RBMS2: variants seen among roughly 807,000 people sequenced by gnomAD.
RBMS2 encodes RNA binding motif single stranded interacting protein 2, also known as RNA-binding motif, single-stranded-interacting protein 2.
A neutral mutation model predicts 58.4 loss-of-function variants in RBMS2; 38 were observed. That is an observed-to-expected ratio of 0.65 (90% CI 0.50 to 0.85). RBMS2 has a LOEUF of 0.85. Ranked by LOEUF, RBMS2 falls within the 40% of genes least tolerant of loss-of-function variation. The probability of loss-of-function intolerance (pLI) is 0.00; values close to 1 mark genes in which losing one functional copy is unlikely to be tolerated. For missense variants in RBMS2, 367 were observed against 503.7 expected, an observed-to-expected ratio of 0.73 and a Z score of 2.60; for synonymous variants, 151 against 180.7, an observed-to-expected ratio of 0.84 and a Z score of 1.32.
At chr12:56,577,426 T>TAAATA (rs549932242) in intron 5 of RBMS2, among the ~76,000 whole-genome samples, 3 of 150,036 alleles carry the variant, frequency 2.0e-5, no homozygotes, top group Non-Finnish European at 4.4e-5. Context: ...ATAATAATAA[T>TAAATA]AAATAAAATA....
chr12:56,549,353 G>T (rs1036446363), intron 1 of RBMS2, among the ~76,000 whole-genome samples: 3 of 151,876 alleles, frequency 2.0e-5, no homozygotes, highest in African/African-American at 7.3e-5. Context: ...ATTACAAGTA[G>T]CTCGTCTGAT....
chr12:56,578,371 C>T (rs568348686), intron 5 of RBMS2, among the ~76,000 whole-genome samples: 4 of 152,228 alleles, frequency 2.6e-5, no homozygotes, highest in Admixed American at 1.3e-4. Flanking sequence ...TCAAGTGATC[C>T]ACCCAACTCG....
intron 1 of RBMS2, among the ~76,000 whole-genome samples, chr12:56,533,109 A>T (rs1349596075): frequency 1.3e-5 from 2 of 150,932 alleles, no homozygotes; most frequent in Admixed American, 1.3e-4. Flanking sequence ...TAATTTTTAA[A>T]TTTTTTGTGG....
chr12:56,581,605 A>G, intron 7 of RBMS2, 97 bp downstream of exon 7: 1 of 1,321,354 alleles, frequency 7.6e-7, no homozygotes, highest in Admixed American at 1.9e-5. Flanking sequence ...GGAAAGCTTG[A>G]GAGCTACAGT....
intron 5 of RBMS2, among the ~76,000 whole-genome samples, chr12:56,575,797 G>C (rs759331100): frequency 3.3e-5 from 5 of 151,930 alleles, no homozygotes; most frequent in African/African-American, 4.8e-5. Flanking sequence ...AGGAGGCTGA[G>C]GCAGGAGAAT....
Position 56,544,263 on chromosome 12 carries a change from G to A in RBMS2, c.67-18154G>A, listed in dbSNP as rs373652150. Among the ~76,000 whole-genome samples, 12 of 152,180 alleles carry A rather than the reference G, an allele frequency of 7.9e-5. 1 individual carries two copies. In the South Asian group the frequency reaches 1.7e-3, roughly 21 times the overall value. On this transcript the variant is annotated intron_variant, in intron 1 of 13. Coordinates refer to ENST00000262031, the MANE Select transcript of RBMS2 (RefSeq NM_002898.4). ...TGCACTCCAGCCTGGGCAACAGAGC[G>A]GGACTTTGTCTCAAAAAAAAACCCA...
At chr12:56,587,732 G>A in intron 11 of RBMS2, 68 bp downstream of exon 11, 1 of 1,510,394 alleles carries the variant, frequency 6.6e-7, no homozygotes, top group East Asian at 2.4e-5. Flanking sequence ...ATACTCTTCA[G>A]CGTAAGTAAC....
In RBMS2 at chr12:56,594,973, A is replaced by G. The variant is rs929221822; in HGVS notation, c.*5840A>G. ...ATTAAACTTGGGAATTTCTATTCCT[A>G]CAGTGTTTTCTCTGGGATTTTTAGC... On this transcript the variant is annotated 3_prime_UTR_variant, in exon 14 of 14. Coordinates refer to ENST00000262031, the MANE Select transcript of RBMS2 (RefSeq NM_002898.4). The G allele has an allele frequency of 1.4e-5, 2 of 141,338 alleles. No individual in the cohort carries two copies. Among genetic ancestry groups the G allele is most frequent in the Admixed American group, 6.7e-5 (1 of 14,834 alleles). 8.8% of individuals were successfully genotyped at this position (141,338 alleles called of 1,614,324 possible). A position where few individuals can be genotyped will look rare whatever the true frequency, so the allele number is the denominator to read the frequency against.
rs371565520 is a variant in RBMS2, at chr12:56,577,559, T to C, written c.543-3625T>C. The stretch of plus-strand genomic sequence containing the variant: ...GTACGATCCTGGCTCACTACAGCCT[T>C]GACCTTCTGGGCTCAAGTGATCCTT... On this transcript the variant is annotated intron_variant, in intron 5 of 13. Transcript: ENST00000262031. Among the ~76,000 whole-genome samples, 10 of 151,738 alleles carry C rather than the reference T, an allele frequency of 6.6e-5. No individual in the cohort carries two copies. In the East Asian group the frequency reaches 1.9e-3, roughly 29 times the overall value.
At chr12:56,538,046 A>G (rs1592345328) in intron 1 of RBMS2, among the ~76,000 whole-genome samples, 1 of 128,462 alleles carries the variant, frequency 7.8e-6, no homozygotes, top group African/African-American at 2.8e-5. Context: ...TTATTTATTT[A>G]TTTGAGACAG....
intron 9 of RBMS2, among the ~76,000 whole-genome samples, chr12:56,585,921 A>T (rs993336020): frequency 6.6e-6 from 1 of 152,100 alleles, no homozygotes; most frequent in Non-Finnish European, 1.5e-5. Flanking sequence ...TGTGGCTCAT[A>T]CCTGTAATCC....
rs182497493 is a variant in RBMS2, at chr12:56,588,924, T to C, written c.1144-8T>C. 6.2e-7 allele frequency: 1 copy of C among 1,614,122 alleles called. No individual in the cohort carries two copies. Among genetic ancestry groups the C allele is most frequent in the East Asian group, 2.2e-5 (1 of 44,880 alleles). On this transcript the variant is annotated splice_polypyrimidine_tract_variant and splice_region_variant and intron_variant, in intron 12 of 13. Coordinates refer to ENST00000262031, the MANE Select transcript of RBMS2 (RefSeq NM_002898.4). ...GCAAGATGACCCCCCTCCTTGGCTATGGCACAGGAGAGCAGCGGCCAACAG... is the reference window on the plus strand; with the variant it reads ...GCAAGATGACCCCCCTCCTTGGCTACGGCACAGGAGAGCAGCGGCCAACAG...
At chr12:56,569,797 C>A in intron 3 of RBMS2, 102 bp from the exon 4 acceptor site, 1 of 1,008,652 alleles carries the variant, frequency 9.9e-7, no homozygotes, top group Non-Finnish European at 1.5e-6. Context: ...CCTCCCATTT[C>A]TGTTACATGG....
rs192871289 is a variant in RBMS2, at chr12:56,595,375, A to T, written c.*6242A>T. On this transcript the variant is annotated 3_prime_UTR_variant, in exon 14 of 14. Transcript: ENST00000262031. The stretch of plus-strand genomic sequence containing the variant: ...TTTGGGTGGGTAAACACCTCTTTGC[A>T]TGTGGACAGAAAATGTTTATACTTA... 1 of 152,244 alleles carries T rather than the reference A, an allele frequency of 6.6e-6. No homozygotes were observed. Among genetic ancestry groups the T allele is most frequent in the African/African-American group, 2.4e-5 (1 of 41,532 alleles). The allele number at this position is 152,244 out of a possible 1,614,324, so 9.4% of individuals were successfully genotyped here.
chr12:56,588,507 G>A (rs1367236791), intron 12 of RBMS2, 133 bp downstream of exon 12: 17 of 795,940 alleles, frequency 2.1e-5, no homozygotes, highest in Non-Finnish European at 8.3e-6. Flanking sequence ...TACGAAGAAC[G>A]TAGGAAGGAT....
chr12:56,532,579 T>G (rs946866385), intron 1 of RBMS2, among the ~76,000 whole-genome samples: 2 of 149,154 alleles, frequency 1.3e-5, no homozygotes, highest in African/African-American at 4.9e-5. Flanking sequence ...AAAAAAAAAC[T>G]TTTTCTTCTT....
intron 1 of RBMS2, among the ~76,000 whole-genome samples, chr12:56,528,435 A>G (rs1873086237): frequency 6.6e-6 from 1 of 152,094 alleles, no homozygotes; most frequent in Admixed American, 6.6e-5. Context: ...AAGGAAGTAT[A>G]GATGGTATAT....
At chr12:56,587,004 G>T (rs544077643) in intron 10 of RBMS2, 78 bp downstream of exon 10, 2 of 1,421,120 alleles carry the variant, frequency 1.4e-6, no homozygotes, top group African/African-American at 2.8e-5. Flanking sequence ...TGTGGCTCAC[G>T]CCTGTAATCC....
intron 9 of RBMS2, among the ~76,000 whole-genome samples, chr12:56,583,103 C>T (rs1042173772): frequency 1.3e-5 from 2 of 152,188 alleles, no homozygotes; most frequent in Non-Finnish European, 2.9e-5. Context: ...GGGGCATTCA[C>T]TTAGATTCGT....
Sources: gnomAD v4.1 joint callset for allele counts (sites outside exome capture counted in the v4.1 genomes callset) on GRCh38, gnomAD v4.1.1 for gene constraint, MANE v1.5 for transcripts, NCBI Gene and HGNC (gene_info 2026-07-23, HGNC 2026-07-21) for gene names.